Variants in LY96 observed in about 807,000 individuals in gnomAD.
LY96 encodes the protein myeloid differentiation protein-2.
Under a neutral mutation model 18.9 loss-of-function variants are expected in LY96, and 18 were observed. The observed-to-expected ratio is 0.95, with a 90% CI of 0.66 to 1.41. The LOEUF (loss-of-function observed/expected upper bound fraction) is 1.41, where lower values mean the gene tolerates loss of function less well. Among genes scored for constraint, LY96 ranks in the 40% most tolerant of loss-of-function variants. The pLI is 0.00. For synonymous variants in LY96, 66 were observed against 62.6 expected, an observed-to-expected ratio of 1.06 and a Z score of -0.26; for missense variants, 175 against 182.4, an observed-to-expected ratio of 0.96 and a Z score of 0.23.
At position 74,001,999 on chromosome 8, in the gene LY96, CTTCCTTTCTTCCTTCCTTCCT is replaced by C. The variant is rs1816286305; in HGVS notation, c.113-2795_113-2775del. Reference sequence around the variant, plus strand: ...CCTTCCCTCCCTCCCTCCCTCCTTTCTTCCTTTCTTCCTTCCTTCCTTCCTTCCTTCCTTCCTTCCTTCCTT... The same window carrying C: ...CCTTCCCTCCCTCCCTCCCTCCTTTCTCCTTCCTTCCTTCCTTCCTTCCTT... On this transcript the variant is annotated intron_variant, in intron 1 of 4. Coordinates refer to ENST00000284818, the MANE Select transcript of LY96 (RefSeq NM_015364.5). Among the ~76,000 whole-genome samples, 4 of 38,554 alleles carry C rather than the reference CTTCCTTTCTTCCTTCCTTCCT, an allele frequency of 1.0e-4. 1 individual carries two copies. Among genetic ancestry groups the C allele is most frequent in the Admixed American group, 6.8e-4 (2 of 2,946 alleles). The allele number at this position is 38,554 out of a possible 152,430, so 25.3% of individuals were successfully genotyped here. A position where few individuals can be genotyped will look rare whatever the true frequency, so the allele number is the denominator to read the frequency against.
intron 3 of LY96, among the ~76,000 whole-genome samples, chr8:74,014,850 T>C (rs996735809): frequency 5.1e-5 from 7 of 135,966 alleles, no homozygotes; most frequent in African/African-American, 1.2e-4. Context: ...CACACACATA[T>C]ATCTGTTTCT....
At chr8:74,015,833 C>G (rs547722820) in intron 3 of LY96, among the ~76,000 whole-genome samples, 7 of 152,324 alleles carry the variant, frequency 4.6e-5, no homozygotes, top group African/African-American at 1.7e-4. Context: ...TTCCCTCTTG[C>G]CTTCTTCAAT....
At position 73,991,524 on chromosome 8, in the gene LY96, T is replaced by A; in HGVS notation, c.82T>A (p.Ser28Thr). The change falls in exon 1 of 5, where the codon TCC becomes ACC. Residue 28 changes from serine to threonine, a missense_variant. Ser to Thr is a moderately conservative substitution (Grantham distance 58). Coordinates refer to ENST00000284818, the MANE Select transcript of LY96 (RefSeq NM_015364.5). Reference sequence around the variant, plus strand: ...GAAGCAGTATTGGGTCTGCAACTCATCCGATGCAAGTATTTCATACACCTA... The same window carrying A: ...GAAGCAGTATTGGGTCTGCAACTCAACCGATGCAAGTATTTCATACACCTA... Reference protein sequence around the residue: ...AQKQYWVCNSSDASISYTYCD... With the variant: ...AQKQYWVCNSTDASISYTYCD... 1 of 1,611,010 alleles carries A rather than the reference T, an allele frequency of 6.2e-7. No homozygotes were observed. Among genetic ancestry groups the A allele is most frequent in the African/African-American group, 1.3e-5 (1 of 74,934 alleles).
chr8:74,036,236 T>C, the LY96 span, among the ~76,000 whole-genome samples: 1 of 152,224 alleles, frequency 6.6e-6, no homozygotes, highest in Middle Eastern at 3.2e-3. Flanking sequence ...GCCACCTTTG[T>C]AAAATTAATG....
chr8:74,003,255 C>T (rs1816336754), intron 1 of LY96, among the ~76,000 whole-genome samples: 2 of 152,204 alleles, frequency 1.3e-5, no homozygotes, highest in African/African-American at 2.4e-5. Context: ...ATTGAATGCA[C>T]TCAGACCCAG....
chr8:74,066,756 G>T, the LY96 span, among the ~76,000 whole-genome samples: 1 of 152,154 alleles, frequency 6.6e-6, no homozygotes, highest in Non-Finnish European at 1.5e-5. Context: ...GGAGGCAGGT[G>T]GACCAGCAGC....
chr8:74,052,437 A>G, the LY96 span: 3 of 152,342 alleles, frequency 2.0e-5, no homozygotes, highest in African/African-American at 7.2e-5. Context: ...CTCATCTAAT[A>G]TAGACCTACT....
the LY96 span, among the ~76,000 whole-genome samples, chr8:74,065,482 A>G: frequency 6.6e-6 from 1 of 152,236 alleles, no homozygotes; most frequent in Non-Finnish European, 1.5e-5. Flanking sequence ...TGAGGAAAAG[A>G]AATAAAAGAG....
intron 1 of LY96, among the ~76,000 whole-genome samples, chr8:74,004,344 T>C (rs1373517499): frequency 6.6e-6 from 1 of 152,118 alleles, no homozygotes; most frequent in Non-Finnish European, 1.5e-5. Context: ...TGGGGAGCCC[T>C]CGTGAAAAAG....
intron 3 of LY96, among the ~76,000 whole-genome samples, chr8:74,022,201 A>G (rs1586659909): frequency 6.6e-6 from 1 of 152,240 alleles, no homozygotes; most frequent in Non-Finnish European, 1.5e-5. Flanking sequence ...TGAGGTTAGG[A>G]GTTCCAGACC....
At chr8:74,055,368 C>G in the LY96 span, among the ~76,000 whole-genome samples, 3 of 152,096 alleles carry the variant, frequency 2.0e-5, no homozygotes, top group Admixed American at 6.5e-5. Flanking sequence ...CTCACTAGTG[C>G]TAGTTAAAAA....
the LY96 span, among the ~76,000 whole-genome samples, chr8:74,058,595 C>T: frequency 6.6e-6 from 1 of 151,248 alleles, no homozygotes; most frequent in Non-Finnish European, 1.5e-5. Context: ...TCTCGGCTCA[C>T]TGCAACCTCC....
the LY96 span, among the ~76,000 whole-genome samples, chr8:74,072,176 A>G: frequency 6.6e-6 from 1 of 152,190 alleles, no homozygotes; most frequent in African/African-American, 2.4e-5. Context: ...ATAGAAATGC[A>G]TATAAATTTT....
Position 74,025,782 on chromosome 8 carries a change from C to A in LY96, c.332-1007C>A, listed in dbSNP as rs189419975. Among the ~76,000 whole-genome samples the A allele has an allele frequency of 1.8e-3, 281 of 152,148 alleles. 3 individuals are homozygous for A. The highest frequency in any genetic ancestry group is 6.2e-3 in the African/African-American group (258 of 41,498). ...CAGCACTTTGGAAGGCCAAGGCGGG[C>A]AGATCGCCTGAAGTTGGGAGTTCGA... On this transcript the variant is annotated intron_variant, in intron 3 of 4. Transcript: ENST00000284818.
the LY96 span, among the ~76,000 whole-genome samples, chr8:74,054,624 CTTTCTTTCTTTCT>C: frequency 3.4e-5 from 3 of 89,136 alleles, no homozygotes; most frequent in African/African-American, 5.0e-5. Context: ...TTCCTTCTTT[CTTTCTTTCTTTCT>C]TTCTTTCTTT....
chr8:74,070,853 A>G, the LY96 span, among the ~76,000 whole-genome samples: 1 of 152,242 alleles, frequency 6.6e-6, no homozygotes, highest in Non-Finnish European at 1.5e-5. Flanking sequence ...TTAAAAAATT[A>G]AAAACATTTT....
chr8:74,023,199 G>T (rs963536044), intron 3 of LY96, among the ~76,000 whole-genome samples: 6 of 152,280 alleles, frequency 3.9e-5, no homozygotes, highest in African/African-American at 1.2e-4. Flanking sequence ...TCTGTCCAGT[G>T]CAACCTGCTA....
chr8:74,068,089 A>AAATATATATATATAT, the LY96 span, among the ~76,000 whole-genome samples: 1 of 67,930 alleles, frequency 1.5e-5, no homozygotes, highest in Non-Finnish European at 2.5e-5. Flanking sequence ...AAAAAAAAAA[A>AAATATATATATATAT]ATATATATAT....
At chr8:74,088,710 C>G in the LY96 span, among the ~76,000 whole-genome samples, 1 of 152,268 alleles carries the variant, frequency 6.6e-6, no homozygotes, top group East Asian at 1.9e-4. Flanking sequence ...CTCAGCCTCC[C>G]AAGTAGCTGG....
Sources: gnomAD v4.1 joint callset for allele counts (sites outside exome capture counted in the v4.1 genomes callset) on GRCh38, gnomAD v4.1.1 for gene constraint, MANE v1.5 for transcripts, NCBI Gene and HGNC (gene_info 2026-07-23, HGNC 2026-07-21) for gene names.